Variants in RYK observed in about 807,000 individuals in gnomAD.
RYK encodes receptor like tyrosine kinase, also known as inactive tyrosine-protein kinase RYK.
RYK carries 21 observed loss-of-function variants against 70.2 expected under a neutral mutation model. That is an observed-to-expected ratio of 0.30 (90% CI 0.21 to 0.43). The LOEUF is 0.43. Among genes scored for constraint, RYK ranks in the 20% least tolerant of loss-of-function variants. The pLI is 1.00. For synonymous variants in RYK, 267 were observed against 278.0 expected (o/e 0.96, Z 0.39); for missense variants, 604 against 753.3 (o/e 0.80, Z 2.32).
Position 134,196,582 on chromosome 3 carries a change from AACACACACAC to A in RYK, c.789-1410_789-1401del, listed in dbSNP as rs57185535. Among the ~76,000 whole-genome samples, 886 of 128,420 alleles carry A rather than the reference AACACACACAC, an allele frequency of 6.9e-3. 4 individuals carry two copies. Among genetic ancestry groups the A allele is most frequent in the Non-Finnish European group, 9.6e-3 (559 of 58,118 alleles). 84.2% of individuals were successfully genotyped at this position (128,420 alleles called of 152,430 possible). ...TAGTGAGACCCTGTCTCTGAAACAA[AACACACACAC>A]ACACACACACACACACACACACACA... On this transcript the variant is annotated intron_variant, in intron 6 of 14. Coordinates refer to ENST00000623711, the MANE Select transcript of RYK (RefSeq NM_002958.4).
At chr3:134,249,620 A>G (rs1341533821) in intron 1 of RYK, among the ~76,000 whole-genome samples, 1 of 152,148 alleles carries the variant, frequency 6.6e-6, no homozygotes, top group Non-Finnish European at 1.5e-5. Flanking sequence ...TTAATTCCCC[A>G]AACAACAAAG....
At chr3:134,250,318 A>T (rs2015579894) in intron 1 of RYK, 105 bp downstream of exon 1, 3 of 492,818 alleles carry the variant, frequency 6.1e-6, no homozygotes, top group African/African-American at 2.1e-5. Context: ...GGGGGCGGGG[A>T]GGGTACTCGC....
In RYK at chr3:134,250,577, C is replaced by T. The variant is rs1245605014; in HGVS notation, c.78G>A (p.Pro26=). The change falls in exon 1 of 15, where the codon CCG becomes CCA. Residue 26 remains proline, a synonymous_variant. Coordinates refer to ENST00000623711, the MANE Select transcript of RYK (RefSeq NM_002958.4). The stretch of plus-strand genomic sequence containing the variant: ...GCGCAAGCAGAAGCAGCAGCGGCGG[C>T]GGCGGCGGGGCCCTCAGGCCGCGGG... The part of the protein sequence containing the change: ...PGARGLRAPP[P]PPLLLLLALL... 1 of 1,066,050 alleles carries T rather than the reference C, an allele frequency of 9.4e-7. No homozygotes were observed. Among genetic ancestry groups the T allele is most frequent in the Non-Finnish European group, 1.2e-6 (1 of 860,070 alleles). The allele number at this position is 1,066,050 out of a possible 1,614,324, so 66.0% of individuals were successfully genotyped here.
intron 1 of RYK, among the ~76,000 whole-genome samples, chr3:134,229,714 AC>A (rs1174723382): frequency 1.3e-5 from 2 of 152,122 alleles, no homozygotes; most frequent in African/African-American, 4.8e-5. Flanking sequence ...TATATAAAGA[AC>A]CAAAAATTTT....
At chr3:134,161,725 T>C (rs559386427) in intron 13 of RYK, among the ~76,000 whole-genome samples, 80 of 152,300 alleles carry the variant, frequency 5.3e-4, no homozygotes, top group African/African-American at 1.9e-3. Context: ...ACAGAACATC[T>C]ATATAGCCCT....
At chr3:134,224,852 T>C (rs925418251) in intron 1 of RYK, among the ~76,000 whole-genome samples, 1 of 152,262 alleles carries the variant, frequency 6.6e-6, no homozygotes, top group Non-Finnish European at 1.5e-5. Flanking sequence ...TAGGTTGTAA[T>C]TGTAGAACAG....
chr3:134,191,677 A>T (rs552010761), intron 8 of RYK, among the ~76,000 whole-genome samples, 172 bp downstream of exon 8: 1 of 152,304 alleles, frequency 6.6e-6, no homozygotes, highest in South Asian at 2.1e-4. Context: ...TACAAGGCCC[A>T]TTCAAGTATA....
chr3:134,213,563 T>A (rs1208978795), intron 2 of RYK, among the ~76,000 whole-genome samples: 1 of 152,116 alleles, frequency 6.6e-6, no homozygotes, highest in Non-Finnish European at 1.5e-5. Context: ...TTTTTCCCCA[T>A]TCTGAGAACC....
chr3:134,230,040 C>T (rs796866962), intron 1 of RYK, among the ~76,000 whole-genome samples: 4 of 152,174 alleles, frequency 2.6e-5, no homozygotes, highest in African/African-American at 9.6e-5. Context: ...AGTAATTATC[C>T]AAAAGAAAAG....
At chr3:134,214,102 C>T (rs377205884) in intron 2 of RYK, among the ~76,000 whole-genome samples, 2 of 152,078 alleles carry the variant, frequency 1.3e-5, no homozygotes, top group Non-Finnish European at 2.9e-5. Context: ...CCACCGCGCC[C>T]GGCCGAAGCT....
At chr3:134,192,062 C>A in intron 7 of RYK, 88 bp from the exon 8 acceptor site, 1 of 1,290,546 alleles carries the variant, frequency 7.7e-7, no homozygotes, top group Non-Finnish European at 1.1e-6. Flanking sequence ...CCTCAGGACT[C>A]AGGTCACAGG....
At chr3:134,162,210 G>A (rs1041332967) in intron 13 of RYK, among the ~76,000 whole-genome samples, 5 of 150,922 alleles carry the variant, frequency 3.3e-5, no homozygotes, top group African/African-American at 1.2e-4. Context: ...ACATTCTGAG[G>A]TACTGGGGGT....
intron 9 of RYK, 191 bp from the exon 10 acceptor site, chr3:134,183,262 A>C (rs1045151830): frequency 3.5e-5 from 13 of 367,024 alleles, no homozygotes; most frequent in Admixed American, 4.5e-5. Context: ...TTTTCCCAGA[A>C]ATTTTTATAT....
intron 1 of RYK, among the ~76,000 whole-genome samples, chr3:134,229,347 C>G (rs2014994851): frequency 6.7e-6 from 1 of 149,002 alleles, no homozygotes; most frequent in African/African-American, 2.5e-5. Flanking sequence ...TTCTGTCTCT[C>G]CTTCCCTCTC....
At chr3:134,198,015 T>C (rs565710571) in intron 6 of RYK, among the ~76,000 whole-genome samples, 9 of 152,322 alleles carry the variant, frequency 5.9e-5, no homozygotes, top group African/African-American at 1.7e-4. Flanking sequence ...CGAAATTTTT[T>C]TTTGAATCCA....
intron 9 of RYK, among the ~76,000 whole-genome samples, chr3:134,186,781 T>A (rs2013479578): frequency 6.6e-6 from 1 of 152,136 alleles, no homozygotes; most frequent in East Asian, 1.9e-4. Context: ...CAATTTTGTA[T>A]AAAAACCTCC....
intron 1 of RYK, among the ~76,000 whole-genome samples, chr3:134,247,616 C>T (rs1045244009): frequency 8.6e-5 from 13 of 151,710 alleles, no homozygotes; most frequent in Admixed American, 8.5e-4. Context: ...GCAGGAGAAT[C>T]GCTTGAACCT....
At chr3:134,231,130 G>C (rs9809556) in intron 1 of RYK, among the ~76,000 whole-genome samples, 1 of 149,628 alleles carries the variant, frequency 6.7e-6, no homozygotes, top group African/African-American at 2.5e-5. Flanking sequence ...GCATCTAGGA[G>C]TTCTGTAAAT....
chr3:134,203,278 G>A (rs1223724961), intron 5 of RYK, among the ~76,000 whole-genome samples: 1 of 152,140 alleles, frequency 6.6e-6, no homozygotes, highest in Non-Finnish European at 1.5e-5. Context: ...CACCTGGGAG[G>A]CAGAGGTTGC....
Sources: gnomAD v4.1 joint callset for allele counts (sites outside exome capture counted in the v4.1 genomes callset) on GRCh38, gnomAD v4.1.1 for gene constraint, MANE v1.5 for transcripts, NCBI Gene and HGNC (gene_info 2026-07-23, HGNC 2026-07-21) for gene names.